CRHR2: variants seen among roughly 807,000 people sequenced by gnomAD.
The protein encoded by CRHR2 is corticotropin-releasing hormone receptor 2.
A neutral mutation model predicts 57.9 loss-of-function variants in CRHR2; 53 were observed. The ratio of observed to expected loss-of-function variants is 0.92; its 90% CI spans 0.73 to 1.15. CRHR2 has a LOEUF of 1.15. Ranked by LOEUF, CRHR2 falls within the 50% of genes most tolerant of loss-of-function variation. The pLI is 0.00. For missense variants in CRHR2, 532 were observed against 542.6 expected (o/e 0.98, Z 0.19); for synonymous variants, 213 against 220.9 (o/e 0.96, Z 0.32).
intron 1 of CRHR2, chr7:30,689,291 GACA>G: frequency 6.5e-7 from 1 of 1,549,750 alleles, no homozygotes; most frequent in Non-Finnish European, 8.7e-7. Flanking sequence ...CTGCCTAGGG[GACA>G]GCAAGGATGA....
rs1490045868 is a variant in CRHR2, at chr7:30,656,126, C to A, written c.832-114G>T. 8.8e-6 allele frequency: 8 copies of A among 913,506 alleles called. No homozygotes were observed. The East Asian group carries it at 1.9e-4, about 22-fold the overall frequency. 56.6% of individuals were successfully genotyped at this position (913,506 alleles called of 1,614,324 possible). On this transcript the variant is annotated intron_variant, in intron 8 of 11. Transcript: ENST00000471646. This position sits in a 1 kb window ranked among gnomAD's most constrained non-coding sequence, Gnocchi z 4.4. ...CCTGGAAACCGATGTCCCACGCACA[C>A]ACCTATCCTACCTGTCCCCCTAGCA...
upstream of CRHR2, among the ~76,000 whole-genome samples, chr7:30,682,903 C>A (rs1784774301): frequency 6.6e-6 from 1 of 152,218 alleles, no homozygotes; most frequent in African/African-American, 2.4e-5. Context: ...GATCTGCATC[C>A]TCCAAAAGCC....
intron 1 of CRHR2, among the ~76,000 whole-genome samples, chr7:30,695,093 G>C (rs1285930356): frequency 6.8e-6 from 1 of 147,314 alleles, no homozygotes; most frequent in African/African-American, 2.5e-5. Flanking sequence ...TGAGGAAGGA[G>C]GGGGAGGACG....
chr7:30,674,436 T>G (rs1784454323), intron 2 of CRHR2, among the ~76,000 whole-genome samples: 1 of 152,206 alleles, frequency 6.6e-6, no homozygotes, highest in African/African-American at 2.4e-5. Context: ...AGAAGCTGCC[T>G]TGGAACTGAG....
At position 30,660,541 on chromosome 7, in the gene CRHR2, C is replaced by T. The variant is rs751061580; in HGVS notation, c.831+32G>A. 1.2e-5 allele frequency: 19 copies of T among 1,551,164 alleles called. No individual in the cohort carries two copies. The South Asian group carries it at 2.3e-4, about 18-fold the overall frequency. On this transcript the variant is annotated intron_variant, in intron 8 of 11. Transcript: ENST00000471646. The stretch of plus-strand genomic sequence containing the variant: ...GGCCCTCTTCTGTCCTCTTGGCACC[C>T]AGCCCCATCCCAGCCACCGCTGAGG...
At chr7:30,655,864 A>C in intron 9 of CRHR2, 63 bp downstream of exon 9, 1 of 1,600,248 alleles carries the variant, frequency 6.2e-7, no homozygotes, top group South Asian at 1.1e-5. Flanking sequence ...GCCAGGAAGC[A>C]GGGGGACGGC....
intron 8 of CRHR2, among the ~76,000 whole-genome samples, 197 bp downstream of exon 8, chr7:30,660,376 G>A (rs1031359936): frequency 3.9e-5 from 6 of 152,374 alleles, no homozygotes; most frequent in Non-Finnish European, 8.8e-5. Flanking sequence ...GCAGGGCTGC[G>A]CCAGGGCATC....
intron 2 of CRHR2, chr7:30,688,881 T>C: frequency 1.9e-6 from 1 of 512,914 alleles, no homozygotes; most frequent in Non-Finnish European, 3.8e-6. Context: ...TTCCCTGGAG[T>C]TGGAAAGCTG....
intron 1 of CRHR2, chr7:30,699,856 G>A (rs1785133615): frequency 9.9e-7 from 1 of 1,009,698 alleles, no homozygotes; most frequent in African/African-American, 1.7e-5. Context: ...CAGCCACCAG[G>A]CCCTGAGACC....
At chr7:30,684,228 C>A (rs1267833569), upstream of CRHR2, among the ~76,000 whole-genome samples, 1 of 152,210 alleles carries the variant, frequency 6.6e-6, no homozygotes, top group African/African-American at 2.4e-5. Flanking sequence ...TAGACTGAGC[C>A]CTGTTACCCA....
rs11305836 is a variant in CRHR2, at chr7:30,671,635, C to CAA, written c.230-4324_230-4323dup. On this transcript the variant is annotated intron_variant, in intron 2 of 11. Coordinates refer to ENST00000471646, the MANE Select transcript of CRHR2 (RefSeq NM_001883.5). ...AGCAACATGATGAAACCCCATCTCT[C>CAA]AAAAAAAAAAAAAAAAAAAAAAATA... is the stretch of plus-strand genomic sequence containing the variant. 1.3e-4 allele frequency among the ~76,000 whole-genome samples: 14 copies of CAA among 104,928 alleles called. No homozygotes were observed. In the South Asian group the frequency reaches 3.6e-3, roughly 27 times the overall value. 68.8% of individuals were successfully genotyped at this position (104,928 alleles called of 152,430 possible).
intron 2 of CRHR2, among the ~76,000 whole-genome samples, chr7:30,674,145 C>G (rs1057122997): frequency 2.0e-5 from 3 of 152,140 alleles, no homozygotes; most frequent in African/African-American, 7.2e-5. Flanking sequence ...AGCACACTTA[C>G]AGGAGACAGT....
At chr7:30,699,923 A>G in intron 1 of CRHR2, 2 of 1,498,138 alleles carry the variant, frequency 1.3e-6, no homozygotes, top group Admixed American at 2.2e-5. Context: ...CACCTCGTGG[A>G]CTCCCACTCC....
At chr7:30,659,742 A>C (rs188677648) in intron 8 of CRHR2, among the ~76,000 whole-genome samples, 52 of 152,394 alleles carry the variant, frequency 3.4e-4, no homozygotes, top group African/African-American at 1.1e-3. Context: ...AATTGTCTCC[A>C]AGGTAGACAA....
exon 1 of CRHR2, chr7:30,699,951 A>T: frequency 6.6e-7 from 1 of 1,504,780 alleles, no homozygotes; most frequent in Non-Finnish European, 8.9e-7. Flanking sequence ...TACGTATTGG[A>T]GCGGCGGTGG....
At chr7:30,700,077 C>A in exon 1 of CRHR2, 7 of 1,281,440 alleles carry the variant, frequency 5.5e-6, no homozygotes, top group Non-Finnish European at 7.1e-6. Flanking sequence ...TGCTGCCCAG[C>A]ACGGTGGTCA....
chr7:30,654,916 T>A, intron 11 of CRHR2, 123 bp downstream of exon 11: 11 of 1,553,190 alleles, frequency 7.1e-6, no homozygotes, highest in Non-Finnish European at 9.6e-6. Context: ...TAAGGCCGGG[T>A]GGTATCTCAA....
rs1562797919 is a variant in CRHR2, at chr7:30,665,097, A to G, written c.516T>C (p.Val172=). ...RNVMWFLLQL[V]DHEVHESNEV... The stretch of plus-strand genomic sequence containing the variant: ...CATTGCTCTCGTGCACTTCATGGTC[A>G]ACGAGCTGCAGCAGGAACCACATGA... Residue 172 remains valine, a synonymous_variant, in exon 5 of 12, where the codon GTT becomes GTC. Transcript: ENST00000471646. This position sits in a 1 kb window ranked among gnomAD's most constrained non-coding sequence, Gnocchi z 4.5. The G allele has an allele frequency of 6.2e-7, 1 of 1,613,962 alleles. No individual in the cohort carries two copies. The highest frequency in any genetic ancestry group is 1.7e-5 in the Admixed American group (1 of 60,002).
rs1406941113 is a variant in CRHR2, at chr7:30,656,045, A to G, written c.832-33T>C. The G allele has an allele frequency of 6.3e-7, 1 of 1,599,780 alleles. No homozygotes were observed. On this transcript the variant is annotated intron_variant, in intron 8 of 11. Transcript: ENST00000471646. The surrounding 1 kb of genome is among the most constrained non-coding windows in gnomAD (Gnocchi z 4.4). ...GAGGGCGGGCATGGGAAAGAGGGAA[A>G]AGGAAGGAGCACGTGTTTGAGATGA...
Sources: gnomAD v4.1 joint callset for allele counts (sites outside exome capture counted in the v4.1 genomes callset) on GRCh38, gnomAD v4.1.1 for gene constraint, Gnocchi (gnomAD v3.1) non-coding constraint, MANE v1.5 for transcripts, NCBI Gene and HGNC (gene_info 2026-07-23, HGNC 2026-07-21) for gene names.